The following PDZRN3 variants were observed in gnomAD, a reference collection of about 807,000 sequenced individuals.
PDZRN3 encodes the protein PDZ domain containing ring finger 3.
In PDZRN3, 38 loss-of-function variants were observed where a neutral mutation model predicts 85.7. The observed-to-expected ratio is 0.44, with a 90% CI of 0.34 to 0.58. The LOEUF is 0.58. Ranked by LOEUF, PDZRN3 falls within the 20% of genes least tolerant of loss-of-function variation. The pLI, the probability that PDZRN3 is intolerant of heterozygous loss-of-function variation, is 0.01. For synonymous variants in PDZRN3, 759 were observed against 638.0 expected, an observed-to-expected ratio of 1.19 and a Z score of -2.86; for missense variants, 1,629 against 1,506.4, an observed-to-expected ratio of 1.08 and a Z score of -1.35.
At chr3:73,599,434 G>A (rs1702478377) in intron 3 of PDZRN3, among the ~76,000 whole-genome samples, 1 of 152,194 alleles carries the variant, frequency 6.6e-6, no homozygotes, top group African/African-American at 2.4e-5. Context: ...GAGGTGGGGA[G>A]GGAGTTAGTA....
chr3:73,486,670 A>C (rs1703667508), intron 3 of PDZRN3, among the ~76,000 whole-genome samples: 1 of 152,234 alleles, frequency 6.6e-6, no homozygotes, highest in Admixed American at 6.5e-5. Flanking sequence ...AAAGTCATAC[A>C]TGCAATTTGT....
At chr3:73,620,854 G>A (rs1354996077) in intron 1 of PDZRN3, among the ~76,000 whole-genome samples, 1 of 151,762 alleles carries the variant, frequency 6.6e-6, no homozygotes, top group African/African-American at 2.4e-5. Flanking sequence ...GGGATTACAG[G>A]CGTGAGCCAC....
intron 5 of PDZRN3, among the ~76,000 whole-genome samples, chr3:73,399,607 G>GTGAT (rs1701710240): frequency 1.3e-5 from 2 of 152,192 alleles, no homozygotes; most frequent in Non-Finnish European, 2.9e-5. Flanking sequence ...TGAAGCTGGG[G>GTGAT]TGATAGGACA....
chr3:73,408,933 G>A (rs900618815), intron 3 of PDZRN3, among the ~76,000 whole-genome samples: 3 of 151,940 alleles, frequency 2.0e-5, no homozygotes, highest in East Asian at 1.9e-4. Context: ...GATTATAGAC[G>A]GGATGCACCC....
chr3:73,469,014 A>G (rs55764535), intron 3 of PDZRN3, among the ~76,000 whole-genome samples: 38,678 of 151,802 alleles, frequency 0.25, 5,732 homozygotes, highest in African/African-American at 0.42. Flanking sequence ...TATACTTATT[A>G]TTACTAGGCA....
At chr3:73,412,915 AG>A (rs1372410644) in intron 3 of PDZRN3, among the ~76,000 whole-genome samples, 1 of 152,218 alleles carries the variant, frequency 6.6e-6, no homozygotes, top group Non-Finnish European at 1.5e-5. Flanking sequence ...CTGGGGCTCC[AG>A]GGTGAGACAC....
At chr3:73,537,830 C>T (rs544356938) in intron 3 of PDZRN3, among the ~76,000 whole-genome samples, 102 of 149,496 alleles carry the variant, frequency 6.8e-4, no homozygotes, top group African/African-American at 2.2e-3. Context: ...TTCACTGTGT[C>T]GGCCAGGCTG....
At chr3:73,543,251 C>T (rs772610122) in intron 3 of PDZRN3, among the ~76,000 whole-genome samples, 1 of 152,212 alleles carries the variant, frequency 6.6e-6, no homozygotes, top group Non-Finnish European at 1.5e-5. Flanking sequence ...GAGGCCAGCA[C>T]TGGGGTGTGA....
chr3:73,455,524 T>A (rs1702960453), intron 3 of PDZRN3, among the ~76,000 whole-genome samples: 1 of 152,204 alleles, frequency 6.6e-6, no homozygotes, highest in African/African-American at 2.4e-5. Context: ...CTTATAGAAA[T>A]CTACTTTTTT....
In PDZRN3 at chr3:73,455,375, T is replaced by C. The variant is rs117863528; in HGVS notation, c.919-50980A>G. Among the ~76,000 whole-genome samples, 9 of 152,338 alleles carry C rather than the reference T, an allele frequency of 5.9e-5. No homozygotes were observed. The East Asian group carries it at 1.3e-3, about 23-fold the overall frequency. On this transcript the variant is annotated intron_variant, in intron 3 of 9. Coordinates refer to ENST00000263666, the MANE Select transcript of PDZRN3 (RefSeq NM_015009.3). ...TGCTAGAACCAGAATTAAACCTCAGTTGACCCAGCTACAGAGCTTATGGTC... is the reference window on the plus strand; with the variant it reads ...TGCTAGAACCAGAATTAAACCTCAGCTGACCCAGCTACAGAGCTTATGGTC...
chr3:73,388,269 T>G, intron 7 of PDZRN3, 200 bp from the exon 8 acceptor site: 1 of 429,552 alleles, frequency 2.3e-6, no homozygotes, highest in Non-Finnish European at 4.1e-6. Flanking sequence ...CTCTGGTCTA[T>G]AAGGGAGCCT....
chr3:73,590,136 A>G (rs529961400), intron 3 of PDZRN3, among the ~76,000 whole-genome samples: 27 of 139,046 alleles, frequency 1.9e-4, no homozygotes, highest in Admixed American at 1.2e-3. Context: ...GAGTGTGGTG[A>G]CGGGCACCTG....
chr3:73,616,237 T>C (rs1466678297), intron 1 of PDZRN3, among the ~76,000 whole-genome samples: 2 of 152,234 alleles, frequency 1.3e-5, no homozygotes, highest in African/African-American at 4.8e-5. Context: ...TTGTGCAACC[T>C]GCAGGACCAT....
intron 3 of PDZRN3, among the ~76,000 whole-genome samples, chr3:73,433,034 T>C (rs1209657940): frequency 6.6e-6 from 1 of 152,376 alleles, no homozygotes; most frequent in Admixed American, 6.5e-5. Context: ...TTGCTCACAA[T>C]GACTCAGAAG....
At chr3:73,426,950 G>GTATTA (rs1702328040) in intron 3 of PDZRN3, among the ~76,000 whole-genome samples, 1 of 152,104 alleles carries the variant, frequency 6.6e-6, no homozygotes, top group Non-Finnish European at 1.5e-5. Context: ...ATCAAGACCA[G>GTATTA]CATGCAGCAC....
intron 3 of PDZRN3, among the ~76,000 whole-genome samples, chr3:73,529,022 C>A (rs1252884959): frequency 6.6e-6 from 1 of 151,968 alleles, no homozygotes; most frequent in Non-Finnish European, 1.5e-5. Flanking sequence ...ATCACTCTGA[C>A]AAGGTTAAAG....
chr3:73,462,921 C>T (rs1352739115), intron 3 of PDZRN3, among the ~76,000 whole-genome samples: 1 of 152,210 alleles, frequency 6.6e-6, no homozygotes, highest in Non-Finnish European at 1.5e-5. Context: ...TCAGGATTCA[C>T]AGCCAGGTCT....
chr3:73,537,952 T>C (rs1704828851), intron 3 of PDZRN3, among the ~76,000 whole-genome samples: 2 of 152,164 alleles, frequency 1.3e-5, no homozygotes, highest in Admixed American at 6.5e-5. Context: ...TAAGAAATGA[T>C]GGGAGGCCTT....
intron 3 of PDZRN3, among the ~76,000 whole-genome samples, chr3:73,433,422 A>G (rs1050121548): frequency 1.3e-5 from 2 of 152,238 alleles, no homozygotes; most frequent in African/African-American, 4.8e-5. Flanking sequence ...ATCAACATCT[A>G]TTTATATTTT....
Sources: gnomAD v4.1 joint callset for allele counts (sites outside exome capture counted in the v4.1 genomes callset) on GRCh38, gnomAD v4.1.1 for gene constraint, MANE v1.5 for transcripts, NCBI Gene and HGNC (gene_info 2026-07-23, HGNC 2026-07-21) for gene names.